KCTD1: variants seen among roughly 807,000 people sequenced by gnomAD.
KCTD1 encodes the protein BTB/POZ domain-containing protein KCTD1.
KCTD1 carries 24 observed loss-of-function variants against 66.0 expected under a neutral mutation model. The ratio of observed to expected loss-of-function variants is 0.36; its 90% confidence interval spans 0.26 to 0.51. KCTD1 has a LOEUF of 0.51. Ranked by LOEUF, KCTD1 falls within the 20% of genes least tolerant of loss-of-function variation. The pLI, the probability that KCTD1 is intolerant of heterozygous loss-of-function variation, is 0.95. For missense variants in KCTD1, 943 were observed against 1,205.2 expected, an observed-to-expected ratio of 0.78 and a Z score of 3.22; for synonymous variants, 511 against 517.2, an observed-to-expected ratio of 0.99 and a Z score of 0.16.
upstream of KCTD1, among the ~76,000 whole-genome samples, chr18:26,643,996 A>G (rs755895831): frequency 2.0e-5 from 3 of 152,028 alleles, no homozygotes; most frequent in Non-Finnish European, 4.4e-5. Flanking sequence ...GTGAGCTAAC[A>G]TGACTGCCAC....
chr18:26,647,545 AAAAAAAAAAG>A (rs1327292810), intron 1 of KCTD1, among the ~76,000 whole-genome samples: 101 of 123,378 alleles, frequency 8.2e-4, no homozygotes, highest in Non-Finnish European at 1.4e-3. Context: ...AAAAAAAAAA[AAAAAAAAAAG>A]GGCTGAATTC....
chr18:26,465,804 C>T (rs1379554932), intron 3 of KCTD1, among the ~76,000 whole-genome samples: 1 of 152,172 alleles, frequency 6.6e-6, no homozygotes. Context: ...GAGACACCAT[C>T]GGAGATGGTG....
intron 1 of KCTD1, among the ~76,000 whole-genome samples, chr18:26,621,489 C>T (rs1371048894): frequency 6.6e-6 from 1 of 151,938 alleles, no homozygotes; most frequent in African/African-American, 2.4e-5. Flanking sequence ...GCAATCTGGA[C>T]TATACGTGGA....
intron 1 of KCTD1, among the ~76,000 whole-genome samples, chr18:26,562,086 G>A (rs773849170): frequency 2.6e-5 from 4 of 151,940 alleles, no homozygotes; most frequent in Admixed American, 6.6e-5. Flanking sequence ...TTCGCCCTCC[G>A]CCCAGGTGCA....
intron 1 of KCTD1, among the ~76,000 whole-genome samples, chr18:26,510,697 A>G (rs939548727): frequency 5.3e-5 from 8 of 152,256 alleles, no homozygotes; most frequent in African/African-American, 1.9e-4. Flanking sequence ...TGAACTTGAG[A>G]AAAATAACAT....
intron 1 of KCTD1, among the ~76,000 whole-genome samples, chr18:26,508,322 A>G (rs569292374): frequency 2.6e-5 from 4 of 152,304 alleles, no homozygotes; most frequent in African/African-American, 9.6e-5. Flanking sequence ...TGGTAGTAGA[A>G]TCCTTCAAGG....
At chr18:26,573,971 T>C (rs1443721329) in intron 1 of KCTD1, among the ~76,000 whole-genome samples, 1 of 152,092 alleles carries the variant, frequency 6.6e-6, no homozygotes, top group African/African-American at 2.4e-5. Flanking sequence ...CCCAAAGTCA[T>C]TGTGACAACC....
At chr18:26,626,953 C>A (rs1165234187) in intron 1 of KCTD1, among the ~76,000 whole-genome samples, 2 of 152,118 alleles carry the variant, frequency 1.3e-5, no homozygotes, top group Non-Finnish European at 2.9e-5. Flanking sequence ...ATAATGGTAT[C>A]AAATAAAAAG....
intron 1 of KCTD1, among the ~76,000 whole-genome samples, chr18:26,651,797 A>AG (rs1216517266): frequency 0.023 from 3,253 of 141,900 alleles, 117 homozygotes; most frequent in African/African-American, 0.087. Context: ...AAAAAAAAAA[A>AG]AAAAGAAGAA....
chr18:26,465,423 C>T (rs1489408452), intron 3 of KCTD1, among the ~76,000 whole-genome samples: 1 of 152,186 alleles, frequency 6.6e-6, no homozygotes, highest in African/African-American at 2.4e-5. Context: ...GACTGGCCCA[C>T]GTGCCCCTTT....
chr18:26,628,611 G>A (rs1303207822), intron 1 of KCTD1, among the ~76,000 whole-genome samples: 1 of 151,982 alleles, frequency 6.6e-6, no homozygotes, highest in Non-Finnish European at 1.5e-5. Flanking sequence ...CTTAAGTGGT[G>A]AAATCCCCCT....
Position 26,523,922 on chromosome 18 carries a change from C to T in KCTD1, c.1810-22672G>A, listed in dbSNP as rs143475988. 9.8e-4 allele frequency among the ~76,000 whole-genome samples: 149 copies of T among 152,328 alleles called. 1 individual carries two copies. Among genetic ancestry groups the T allele is most frequent in the African/African-American group, 3.4e-3 (142 of 41,572 alleles). ...GGATTCTGGGGTCTGAGCACACTCA[C>T]TGCTGGCCAACGGGGCTTCAAGCAG... On this transcript the variant is annotated intron_variant, in intron 1 of 4. Coordinates refer to ENST00000580059, the MANE Select transcript of KCTD1 (RefSeq NM_001142730.3).
rs1985336627 is a variant in KCTD1, at chr18:26,548,003, G to A, written c.534C>T (p.Tyr178=). The A allele has an allele frequency of 1.1e-5, 17 of 1,532,606 alleles. No individual in the cohort carries two copies. Among genetic ancestry groups the A allele is most frequent in the Non-Finnish European group, 1.5e-5 (17 of 1,142,248 alleles). The allele number at this position is 1,532,606 out of a possible 1,614,324, so 94.9% of individuals were successfully genotyped here. A position where few individuals can be genotyped will look rare whatever the true frequency, so the allele number is the denominator to read the frequency against. Residue 178 remains tyrosine, a synonymous_variant, in exon 1 of 5, where the codon TAC becomes TAT. Coordinates refer to ENST00000580059, the MANE Select transcript of KCTD1 (RefSeq NM_001142730.3). The stretch of plus-strand genomic sequence containing the variant: ...GGTACTCCCGGAAGATGCGCACGGC[G>A]TAGCGGGTGGCCAGCCGGGTGTTCT... ...LSENTRLATR[Y]AVRIFREYLS... is the part of the protein sequence containing the mutation.
At chr18:26,499,043 A>C (rs1415537800) in intron 2 of KCTD1, among the ~76,000 whole-genome samples, 1 of 152,200 alleles carries the variant, frequency 6.6e-6, no homozygotes, top group Non-Finnish European at 1.5e-5. Context: ...ACCTAGTTAC[A>C]ATGAGCATAG....
chr18:26,470,232 T>G (rs1405979176), intron 3 of KCTD1, among the ~76,000 whole-genome samples: 1 of 152,000 alleles, frequency 6.6e-6, no homozygotes, highest in Non-Finnish European at 1.5e-5. Flanking sequence ...TATTTCAACC[T>G]CTTTCCCTTG....
intron 1 of KCTD1, among the ~76,000 whole-genome samples, chr18:26,519,145 G>A (rs568360377): frequency 1.3e-4 from 20 of 152,056 alleles, no homozygotes; most frequent in South Asian, 4.1e-4. Context: ...AAATTTGCCC[G>A]ACTTTTACAT....
intron 1 of KCTD1, among the ~76,000 whole-genome samples, chr18:26,542,517 A>T (rs1240803886): frequency 1.3e-5 from 2 of 152,188 alleles, no homozygotes; most frequent in African/African-American, 2.4e-5. Context: ...CAGTTAAAAC[A>T]CCAAAAGGTG....
intron 1 of KCTD1, among the ~76,000 whole-genome samples, chr18:26,590,093 A>T (rs1986563909): frequency 1.3e-5 from 2 of 151,846 alleles, no homozygotes; most frequent in Admixed American, 6.6e-5. Flanking sequence ...TATTTTATTT[A>T]TTTTATTTTT....
intron 1 of KCTD1, among the ~76,000 whole-genome samples, chr18:26,532,486 A>G (rs1984496899): frequency 3.3e-5 from 5 of 150,790 alleles, no homozygotes; most frequent in Admixed American, 3.3e-4. Flanking sequence ...CTGGTCTCAA[A>G]CTCGTGGCCT....
Sources: gnomAD v4.1 joint callset for allele counts (sites outside exome capture counted in the v4.1 genomes callset) on GRCh38, gnomAD v4.1.1 for gene constraint, MANE v1.5 for transcripts, NCBI Gene and HGNC (gene_info 2026-07-23, HGNC 2026-07-21) for gene names.